Variants in PYROXD1 observed in about 807,000 individuals in gnomAD.
The protein encoded by PYROXD1 is pyridine nucleotide-disulphide oxidoreductase domain 1.
Under a neutral mutation model 62.0 loss-of-function variants are expected in PYROXD1, and 42 were observed. The ratio of observed to expected loss-of-function variants is 0.68; its 90% CI spans 0.53 to 0.88. PYROXD1 has a LOEUF of 0.88. PYROXD1 is among the 40% of genes least tolerant of loss of function. The pLI is 0.00. For synonymous variants in PYROXD1, 170 were observed against 206.4 expected, an observed-to-expected ratio of 0.82 and a Z score of 1.51; for missense variants, 493 against 604.8, an observed-to-expected ratio of 0.82 and a Z score of 1.94.
At chr12:21,448,890 A>G (rs1030264693) in intron 3 of PYROXD1, among the ~76,000 whole-genome samples, 44 of 152,312 alleles carry the variant, frequency 2.9e-4, no homozygotes. Context: ...TAAAGCCAAT[A>G]CATGCTAGGA....
chr12:21,460,379 G>C (rs61926296), intron 7 of PYROXD1, among the ~76,000 whole-genome samples: 1 of 150,702 alleles, frequency 6.6e-6, no homozygotes, highest in Non-Finnish European at 1.5e-5. Context: ...GTCCATAACT[G>C]TTGTCATTTT....
In PYROXD1 at chr12:21,440,581, GT is replaced by G. The variant is rs1181523132; in HGVS notation, c.165+137del. On this transcript the variant is annotated intron_variant, in intron 2 of 11. Transcript: ENST00000240651. ...ACAGTTATATGCTGTACAACATGAT[GT>G]TTTGATACATGTATACATTGTGGAA... 7.3e-6 allele frequency: 4 copies of G among 548,538 alleles called. No individual in the cohort carries two copies. The African/African-American group carries it at 7.8e-5, about 11-fold the overall frequency. The allele number at this position is 548,538 out of a possible 1,614,324, so 34.0% of individuals were successfully genotyped here.
intron 2 of PYROXD1, among the ~76,000 whole-genome samples, chr12:21,444,091 T>C (rs544873201): frequency 3.9e-5 from 6 of 152,296 alleles, no homozygotes; most frequent in African/African-American, 1.4e-4. Flanking sequence ...TTGTAAGTTA[T>C]ATACAACAGA....
chr12:21,467,672 G>C, intron 11 of PYROXD1, 54 bp downstream of exon 11: 1 of 1,287,932 alleles, frequency 7.8e-7, no homozygotes, highest in Non-Finnish European at 1.1e-6. Context: ...TTATGACTAT[G>C]ATAAATCATG....
At chr12:21,453,078 A>C (rs932266962) in intron 5 of PYROXD1, among the ~76,000 whole-genome samples, 1 of 152,098 alleles carries the variant, frequency 6.6e-6, no homozygotes, top group African/African-American at 2.4e-5. Flanking sequence ...GTGGGCCAAG[A>C]GGGAAGAGGT....
intron 10 of PYROXD1, among the ~76,000 whole-genome samples, chr12:21,463,692 C>CAAAAA (rs11325981): frequency 0.21 from 28,174 of 135,388 alleles, 3,147 homozygotes; most frequent in Non-Finnish European, 0.26. Flanking sequence ...AACTCTGTCT[C>CAAAAA]AAAAAAAAAA....
At chr12:21,442,109 A>G (rs557187881) in intron 2 of PYROXD1, among the ~76,000 whole-genome samples, 1 of 152,326 alleles carries the variant, frequency 6.6e-6, no homozygotes, top group East Asian at 1.9e-4. Flanking sequence ...TTCTTCTCCC[A>G]CAAAGGAAGT....
At position 21,468,612 on chromosome 12, in the gene PYROXD1, G is replaced by T; in HGVS notation, c.1361G>T (p.Gly454Val). The T allele has an allele frequency of 6.2e-7, 1 of 1,613,070 alleles. No homozygotes were observed. Among genetic ancestry groups the T allele is most frequent in the Non-Finnish European group, 8.5e-7 (1 of 1,179,404 alleles). Residue 454 changes from glycine to valine, a missense_variant, in exon 12 of 12, where the codon GGA becomes GTA. Coordinates refer to ENST00000240651, the MANE Select transcript of PYROXD1 (RefSeq NM_024854.5). ...TACATCAAAGTCGTCATGCAAAATG[G>T]ACGAATGATGGGAGCTGTCTTAATT... Reference protein sequence around the residue: ...REYIKVVMQNGRMMGAVLIGE... With the variant: ...REYIKVVMQNVRMMGAVLIGE...
chr12:21,453,182 T>C (rs1218666213), intron 5 of PYROXD1, among the ~76,000 whole-genome samples: 1 of 152,108 alleles, frequency 6.6e-6, no homozygotes, highest in Non-Finnish European at 1.5e-5. Context: ...TCACTTACTA[T>C]TATTATAATT....
At chr12:21,444,849 T>C (rs1204329425) in intron 2 of PYROXD1, among the ~76,000 whole-genome samples, 1 of 152,142 alleles carries the variant, frequency 6.6e-6, no homozygotes, top group Non-Finnish European at 1.5e-5. Flanking sequence ...GTTAACAGTT[T>C]AGGATAAGAG....
intron 7 of PYROXD1, among the ~76,000 whole-genome samples, chr12:21,459,000 A>G (rs1052810182): frequency 2.0e-5 from 3 of 152,248 alleles, no homozygotes; most frequent in Non-Finnish European, 2.9e-5. Flanking sequence ...AAAACACACT[A>G]TCTGCAAAAC....
At chr12:21,463,529 A>G (rs1035800452) in intron 10 of PYROXD1, among the ~76,000 whole-genome samples, 16 of 151,976 alleles carry the variant, frequency 1.1e-4, no homozygotes, top group Non-Finnish European at 1.6e-4. Context: ...CGTCTTTACT[A>G]AAAATACAAA....
Position 21,456,970 on chromosome 12 carries a change from A to G in PYROXD1, c.750+875A>G, listed in dbSNP as rs548447537. 3.2e-5 allele frequency: 14 copies of G among 431,404 alleles called. No homozygotes were observed. In the Admixed American group the frequency reaches 3.5e-4, roughly 11 times the overall value. The allele number at this position is 431,404 out of a possible 1,614,324, so 26.7% of individuals were successfully genotyped here. On this transcript the variant is annotated intron_variant, in intron 7 of 11. Transcript: ENST00000240651. Reference sequence around the variant, plus strand: ...TCATCTTTTCAAATTTTATCATGAGATTGCAGCAATGTAGTCTCATCTTCA... The same window carrying G: ...TCATCTTTTCAAATTTTATCATGAGGTTGCAGCAATGTAGTCTCATCTTCA...
chr12:21,445,428 A>G lies in PYROXD1; in HGVS notation c.247A>G (p.Ile83Val), dbSNP rs752696374. Reference sequence around the variant, plus strand: ...AAAACGCTTTCCCAACATTAAGGTTATAGAATCTGGCGTAAAGCAACTGAA... The same window carrying G: ...AAAACGCTTTCCCAACATTAAGGTTGTAGAATCTGGCGTAAAGCAACTGAA... The part of the protein sequence containing the change: ...LGKRFPNIKV[I>V]ESGVKQLKSE... Residue 83 changes from isoleucine to valine, a missense_variant, in exon 3 of 12, where the codon ATA (isoleucine) becomes GTA (valine). Transcript: ENST00000240651. 2.0e-5 allele frequency: 32 copies of G among 1,607,100 alleles called. No homozygotes were observed. The highest frequency in any genetic ancestry group is 3.4e-5 in the Admixed American group (2 of 58,384).
In PYROXD1 at chr12:21,459,425, T is replaced by C. The variant is rs118029062; in HGVS notation, c.751-1600T>C. 9.8e-4 allele frequency among the ~76,000 whole-genome samples: 149 copies of C among 152,316 alleles called. 1 individual carries two copies. The East Asian group carries it at 0.022, about 23-fold the overall frequency. On this transcript the variant is annotated intron_variant, in intron 7 of 11. Coordinates refer to ENST00000240651, the MANE Select transcript of PYROXD1 (RefSeq NM_024854.5). ...TGCCTTATGTATTTCTTCATCTGTTTCTTCGTGACATCCTTGATAATAAAC... is the reference window on the plus strand; with the variant it reads ...TGCCTTATGTATTTCTTCATCTGTTCCTTCGTGACATCCTTGATAATAAAC...
intron 3 of PYROXD1, among the ~76,000 whole-genome samples, chr12:21,448,833 C>G (rs1591942486): frequency 6.6e-6 from 1 of 152,052 alleles, no homozygotes; most frequent in African/African-American, 2.4e-5. Context: ...CAATATATCT[C>G]TGATATGTAG....
In PYROXD1 at chr12:21,467,548, C is replaced by T. The variant is rs1284730288; in HGVS notation, c.1184C>T (p.Ser395Leu). The T allele has an allele frequency of 3.7e-6, 6 of 1,611,836 alleles. No homozygotes were observed. Among genetic ancestry groups the T allele is most frequent in the Non-Finnish European group, 5.1e-6 (6 of 1,178,664 alleles). Reference protein sequence around the residue: ...YAAKCMAAASSGDSIDMDFSF... With the variant: ...YAAKCMAAASLGDSIDMDFSF... ...GCAAAGTGCATGGCTGCAGCGAGTTCAGGAGACTCTATTGACATGGATTTC... is the reference window on the plus strand; with the variant it reads ...GCAAAGTGCATGGCTGCAGCGAGTTTAGGAGACTCTATTGACATGGATTTC... The change falls in exon 11 of 12, where the codon TCA becomes TTA. Residue 395 changes from serine (S) to leucine (L), a missense_variant. Ser to Leu is a moderately radical substitution (Grantham distance 145). Coordinates refer to ENST00000240651, the MANE Select transcript of PYROXD1 (RefSeq NM_024854.5).
chr12:21,455,736 C>T (rs1942584386), intron 6 of PYROXD1, among the ~76,000 whole-genome samples: 1 of 151,532 alleles, frequency 6.6e-6, no homozygotes, highest in Non-Finnish European at 1.5e-5. Flanking sequence ...ATTTTCTTAC[C>T]CTTCCAGTTA....
chr12:21,441,923 T>A (rs999030385), intron 2 of PYROXD1, among the ~76,000 whole-genome samples: 1 of 152,228 alleles, frequency 6.6e-6, no homozygotes, highest in African/African-American at 2.4e-5. Context: ...AGATGGGATG[T>A]AGCAGTTCTG....
Sources: gnomAD v4.1 joint callset for allele counts (sites outside exome capture counted in the v4.1 genomes callset) on GRCh38, gnomAD v4.1.1 for gene constraint, MANE v1.5 for transcripts, NCBI Gene and HGNC (gene_info 2026-07-23, HGNC 2026-07-21) for gene names.